Variants in SGCZ observed in about 807,000 individuals in gnomAD.
SGCZ encodes sarcoglycan zeta.
SGCZ carries 40 observed loss-of-function variants against 41.3 expected under a neutral mutation model. That is an observed-to-expected ratio of 0.97 (90% CI 0.75 to 1.26). The LOEUF (loss-of-function observed/expected upper bound fraction) is 1.26. Ranked by LOEUF, SGCZ falls within the 50% of genes most tolerant of loss-of-function variation. The pLI is 0.00. For synonymous variants in SGCZ, 206 were observed against 137.5 expected (o/e 1.50, Z -3.49); for missense variants, 552 against 369.8 (o/e 1.49, Z -4.04).
intron 2 of SGCZ, among the ~76,000 whole-genome samples, chr8:14,325,481 A>G (rs1802059815): frequency 6.7e-6 from 1 of 148,200 alleles, no homozygotes; most frequent in Non-Finnish European, 1.5e-5. Context: ...ATATAAAATC[A>G]TATATAATAG....
intron 1 of SGCZ, among the ~76,000 whole-genome samples, chr8:14,936,326 G>A (rs138552267): frequency 6.6e-6 from 1 of 151,996 alleles, no homozygotes; most frequent in African/African-American, 2.4e-5. Flanking sequence ...AACGTACCAA[G>A]CATCAAATCT....
Position 14,211,869 on chromosome 8 carries a change from A to C in SGCZ, c.424+25723T>G, listed in dbSNP as rs140533244. 1.3e-3 allele frequency among the ~76,000 whole-genome samples: 196 copies of C among 152,260 alleles called. 1 individual carries two copies. The highest frequency in any genetic ancestry group is 4.3e-3 in the African/African-American group (177 of 41,554). ...TTGTTTTTTGCAAGATCAAGAGGAC[A>C]GATGTCCAGAAAGTACCACAGAAGT... On this transcript the variant is annotated intron_variant, in intron 4 of 7. Transcript: ENST00000382080.
intron 1 of SGCZ, among the ~76,000 whole-genome samples, chr8:14,995,266 A>T (rs986888543): frequency 6.6e-6 from 1 of 152,254 alleles, no homozygotes; most frequent in African/African-American, 2.4e-5. Context: ...AGTATGGGAG[A>T]CAAGAGACAA....
intron 5 of SGCZ, among the ~76,000 whole-genome samples, chr8:14,137,317 C>T (rs571909162): frequency 1.1e-4 from 16 of 152,166 alleles, no homozygotes; most frequent in South Asian, 4.1e-4. Flanking sequence ...CAAAGATGGG[C>T]GGAGAATGAC....
At chr8:15,198,718 C>T (rs988395100) in intron 1 of SGCZ, among the ~76,000 whole-genome samples, 3 of 152,188 alleles carry the variant, frequency 2.0e-5, no homozygotes, top group African/African-American at 4.8e-5. Flanking sequence ...CTACACTGTG[C>T]CAGCCTCTTG....
At chr8:14,452,838 G>A (rs979778741) in intron 2 of SGCZ, among the ~76,000 whole-genome samples, 22 of 152,158 alleles carry the variant, frequency 1.4e-4, no homozygotes, top group Middle Eastern at 6.8e-3. Context: ...GTGGACTCAC[G>A]CCTGTACAAA....
intron 7 of SGCZ, among the ~76,000 whole-genome samples, chr8:14,090,921 C>G (rs184113983): frequency 6.6e-6 from 1 of 151,968 alleles, no homozygotes; most frequent in Non-Finnish European, 1.5e-5. Flanking sequence ...TACTTAAACA[C>G]CACAGAAAAT....
At chr8:14,353,146 C>G (rs1398132194) in intron 2 of SGCZ, among the ~76,000 whole-genome samples, 1 of 151,040 alleles carries the variant, frequency 6.6e-6, no homozygotes, top group Non-Finnish European at 1.5e-5. Flanking sequence ...TTCTCTGTGA[C>G]TAAGTTTCTT....
At chr8:14,410,321 T>A (rs1443904585) in intron 2 of SGCZ, among the ~76,000 whole-genome samples, 1 of 151,934 alleles carries the variant, frequency 6.6e-6, no homozygotes, top group Non-Finnish European at 1.5e-5. Flanking sequence ...GGTCTTAATA[T>A]CCACATTCTG....
At chr8:14,409,362 T>TA (rs1169696070) in intron 2 of SGCZ, among the ~76,000 whole-genome samples, 2 of 152,066 alleles carry the variant, frequency 1.3e-5, no homozygotes, top group Non-Finnish European at 2.9e-5. Context: ...TTAAAAAACT[T>TA]AAAAAATGTA....
intron 2 of SGCZ, among the ~76,000 whole-genome samples, chr8:14,467,588 A>G (rs1373734532): frequency 6.6e-6 from 1 of 152,050 alleles, no homozygotes; most frequent in Admixed American, 6.6e-5. Context: ...GAAATTAACT[A>G]CAATTTACCA....
intron 1 of SGCZ, among the ~76,000 whole-genome samples, chr8:15,124,180 A>T (rs971473953): frequency 9.2e-5 from 14 of 152,234 alleles, no homozygotes; most frequent in African/African-American, 3.4e-4. Flanking sequence ...CAGTTAGAAG[A>T]CTACTGTAGT....
At chr8:14,479,299 A>C (rs1168558069) in intron 2 of SGCZ, among the ~76,000 whole-genome samples, 1 of 152,080 alleles carries the variant, frequency 6.6e-6, no homozygotes, top group Non-Finnish European at 1.5e-5. Flanking sequence ...GTTCAACGGC[A>C]GGAAGCATTC....
intron 1 of SGCZ, among the ~76,000 whole-genome samples, chr8:14,995,023 G>T (rs1012703294): frequency 6.6e-6 from 1 of 152,222 alleles, no homozygotes; most frequent in African/African-American, 2.4e-5. Context: ...GGCATGCTGT[G>T]TTTCTTAGGA....
intron 1 of SGCZ, among the ~76,000 whole-genome samples, chr8:15,130,091 T>C (rs538549734): frequency 5.3e-5 from 8 of 152,268 alleles, no homozygotes; most frequent in Admixed American, 3.9e-4. Context: ...TTTGGTGTTA[T>C]CTGTAATGAT....
chr8:14,397,585 A>G (rs1161120176), intron 2 of SGCZ, among the ~76,000 whole-genome samples: 2 of 152,144 alleles, frequency 1.3e-5, no homozygotes, highest in Admixed American at 6.6e-5. Context: ...GTAAAGCAGT[A>G]TTTTTTATTC....
chr8:14,109,362 G>A (rs573094573), intron 5 of SGCZ, among the ~76,000 whole-genome samples: 36 of 150,480 alleles, frequency 2.4e-4, no homozygotes, highest in African/African-American at 8.5e-4. Context: ...AAAATCAAGT[G>A]GGAAAAAAAT....
intron 2 of SGCZ, among the ~76,000 whole-genome samples, chr8:14,484,819 T>C (rs1425907642): frequency 6.6e-6 from 1 of 152,204 alleles, no homozygotes; most frequent in Non-Finnish European, 1.5e-5. Context: ...ACCATAGAGA[T>C]CATTTAGCTC....
chr8:14,876,906 G>C (rs1804377736), intron 1 of SGCZ, among the ~76,000 whole-genome samples: 2 of 152,130 alleles, frequency 1.3e-5, no homozygotes, highest in African/African-American at 4.8e-5. Flanking sequence ...ACTAAGCAAA[G>C]AGCATTGGAG....
Sources: gnomAD v4.1 joint callset for allele counts (sites outside exome capture counted in the v4.1 genomes callset) on GRCh38, gnomAD v4.1.1 for gene constraint, MANE v1.5 for transcripts, NCBI Gene and HGNC (gene_info 2026-07-23, HGNC 2026-07-21) for gene names.